The following IQSEC1 variants were observed in gnomAD, a reference collection of about 807,000 sequenced individuals.
IQSEC1 encodes IQ motif and SEC7 domain-containing protein 1.
In IQSEC1, 31 loss-of-function variants were observed where a neutral mutation model predicts 91.0. The observed-to-expected ratio is 0.34, with a 90% confidence interval of 0.26 to 0.46. The LOEUF (loss-of-function observed/expected upper bound fraction) is 0.46, where lower values mean the gene tolerates loss of function less well. Among genes scored for constraint, IQSEC1 ranks in the 20% least tolerant of loss-of-function variants. The pLI is 1.00. For synonymous variants in IQSEC1, 699 were observed against 662.6 expected (o/e 1.05, Z -0.84); for missense variants, 1,388 against 1,575.6 (o/e 0.88, Z 2.02).
At chr3:13,281,613 C>A (rs552997006) in intron 1 of IQSEC1, among the ~76,000 whole-genome samples, 1 of 152,290 alleles carries the variant, frequency 6.6e-6, no homozygotes, top group East Asian at 1.9e-4. Flanking sequence ...CGCTGCAGCC[C>A]CCCTGGGGTG....
Position 12,967,235 on chromosome 3 carries a change from C to G in IQSEC1, c.24-25370G>C. ...TCTCTCACCCAAACCCACAGTCTGGCGGACGCACCCCGCCCCGCAGGCAGC... is the reference window on the plus strand; with the variant it reads ...TCTCTCACCCAAACCCACAGTCTGGGGGACGCACCCCGCCCCGCAGGCAGC... On this transcript the variant is annotated intron_variant, in intron 1 of 13. Coordinates refer to ENST00000613206, the MANE Select transcript of IQSEC1 (RefSeq NM_001134382.3). The surrounding 1 kb of genome is among the most constrained non-coding windows in gnomAD (Gnocchi z 5.9). The G allele has an allele frequency of 4.8e-6, 3 of 629,670 alleles. No homozygotes were observed. Among genetic ancestry groups the G allele is most frequent in the Non-Finnish European group, 7.9e-6 (3 of 380,070 alleles). The allele number at this position is 629,670 out of a possible 1,614,324, so 39.0% of individuals were successfully genotyped here.
chr3:13,016,562 C>T (rs964453078), intron 1 of IQSEC1, among the ~76,000 whole-genome samples: 6 of 152,204 alleles, frequency 3.9e-5, no homozygotes, highest in Non-Finnish European at 8.8e-5. Flanking sequence ...CTCCTCCCGC[C>T]CTCTCGACTC....
At chr3:13,022,179 G>T in intron 1 of IQSEC1, 22 of 1,231,484 alleles carry the variant, frequency 1.8e-5, no homozygotes, top group South Asian at 4.1e-5. Context: ...CCTGGCCAGG[G>T]AACGGCTCTC....
chr3:13,237,370 C>A (rs1694949568), intron 1 of IQSEC1, among the ~76,000 whole-genome samples: 1 of 152,218 alleles, frequency 6.6e-6, no homozygotes, highest in Non-Finnish European at 1.5e-5. Context: ...CAAAACCAAG[C>A]AACACTGGCC....
chr3:13,268,972 G>A (rs947430534), intron 1 of IQSEC1, among the ~76,000 whole-genome samples: 3 of 152,198 alleles, frequency 2.0e-5, no homozygotes, highest in East Asian at 3.8e-4. Context: ...ATTCTAACAC[G>A]TGTCAGCACC....
chr3:13,106,374 A>C (rs1016051432), intron 2 of IQSEC1, among the ~76,000 whole-genome samples: 8 of 151,838 alleles, frequency 5.3e-5, no homozygotes, highest in Admixed American at 3.3e-4. Flanking sequence ...TCCCCTTCTT[A>C]TTTGGGGACT....
intron 1 of IQSEC1, among the ~76,000 whole-genome samples, chr3:13,263,977 G>A (rs1040707292): frequency 8.8e-4 from 134 of 152,214 alleles, no homozygotes; most frequent in African/African-American, 2.8e-3. Flanking sequence ...GCGCCTGTCC[G>A]CCTGGGCTTC....
chr3:13,235,526 G>A (rs545480657), intron 1 of IQSEC1, among the ~76,000 whole-genome samples: 16 of 152,178 alleles, frequency 1.1e-4, no homozygotes, highest in Admixed American at 1.0e-3. Context: ...GAGCACCTCA[G>A]CAGGAGGGGG....
intron 2 of IQSEC1, among the ~76,000 whole-genome samples, chr3:13,151,021 G>A (rs1360177206): frequency 3.9e-5 from 6 of 152,222 alleles, no homozygotes; most frequent in African/African-American, 1.2e-4. Context: ...GGATGGAGCT[G>A]CAGCCTCAGA....
intron 1 of IQSEC1, among the ~76,000 whole-genome samples, chr3:13,029,887 T>C (rs571099333): frequency 1.3e-5 from 2 of 152,354 alleles, no homozygotes; most frequent in African/African-American, 4.8e-5. Flanking sequence ...CCCAGACCTG[T>C]AGAGGTAAGT....
Position 12,971,131 on chromosome 3 carries a change from A to G in IQSEC1, c.24-29266T>C, listed in dbSNP as rs1462986353. Reference sequence around the variant, plus strand: ...ACACATGACCTGCAAAACATACAATATTAATGCGCACATGCAGCCCTTCTC... The same window carrying G: ...ACACATGACCTGCAAAACATACAATGTTAATGCGCACATGCAGCCCTTCTC... On this transcript the variant is annotated intron_variant, in intron 1 of 13. Transcript: ENST00000613206. Among the ~76,000 whole-genome samples, 4 of 152,230 alleles carry G rather than the reference A, an allele frequency of 2.6e-5. No homozygotes were observed. In the South Asian group the frequency reaches 8.3e-4, roughly 31 times the overall value.
At chr3:13,239,162 A>G (rs554758158) in intron 1 of IQSEC1, among the ~76,000 whole-genome samples, 1 of 152,358 alleles carries the variant, frequency 6.6e-6, no homozygotes, top group East Asian at 1.9e-4. Flanking sequence ...GCACTAAATT[A>G]AAACTGGAAG....
rs548408283 is a variant in IQSEC1, at chr3:13,020,309, C to CCT, written c.23+52681_23+52682dup. 3.0e-4 allele frequency among the ~76,000 whole-genome samples: 46 copies of CCT among 152,276 alleles called. 2 individuals carry two copies. In the South Asian group the frequency reaches 7.1e-3, roughly 23 times the overall value. The stretch of plus-strand genomic sequence containing the variant: ...TGACTCACTCCAGGGCTGAGCTCTG[C>CCT]CTCTCTCCTTTCCCACAGCCAGCCG... On this transcript the variant is annotated intron_variant, in intron 1 of 13. Transcript: ENST00000613206.
chr3:12,916,188 C>T (rs1426492939), intron 6 of IQSEC1, among the ~76,000 whole-genome samples: 2 of 152,276 alleles, frequency 1.3e-5, no homozygotes, highest in East Asian at 3.9e-4. Context: ...TGACTATGGG[C>T]GAGTGACTGC....
At chr3:13,272,020 T>G (rs942765452) in intron 1 of IQSEC1, among the ~76,000 whole-genome samples, 1 of 152,182 alleles carries the variant, frequency 6.6e-6, no homozygotes, top group African/African-American at 2.4e-5. Flanking sequence ...TTCTCCAGGA[T>G]AGACTGCATC....
chr3:12,963,002 C>G (rs1331671067), intron 1 of IQSEC1, among the ~76,000 whole-genome samples: 1 of 152,134 alleles, frequency 6.6e-6, no homozygotes, highest in Non-Finnish European at 1.5e-5. Flanking sequence ...TTATTTAATC[C>G]CAGAGGAAGC....
chr3:13,215,035 G>A (rs756204687), intron 1 of IQSEC1, among the ~76,000 whole-genome samples: 2 of 152,130 alleles, frequency 1.3e-5, no homozygotes, highest in Non-Finnish European at 2.9e-5. Flanking sequence ...CCTACTGAAT[G>A]CAAAGGCTGC....
intron 1 of IQSEC1, among the ~76,000 whole-genome samples, chr3:12,985,500 C>A (rs528165326): frequency 1.3e-5 from 2 of 152,052 alleles, no homozygotes; most frequent in Admixed American, 1.3e-4. Flanking sequence ...TCCCCCCCCC[C>A]CCGCCAACCG....
intron 1 of IQSEC1, among the ~76,000 whole-genome samples, chr3:13,231,010 C>G (rs971051537): frequency 5.3e-5 from 8 of 152,136 alleles, no homozygotes; most frequent in Non-Finnish European, 1.0e-4. Context: ...GGCACTGTCC[C>G]CTTAAACTTT....
Sources: allele counts gnomAD v4.1 joint callset (sites outside exome capture counted in the v4.1 genomes callset), GRCh38; gene constraint gnomAD v4.1.1; non-coding constraint Gnocchi (gnomAD v3.1); transcripts MANE v1.5; gene names NCBI Gene and HGNC (gene_info 2026-07-23, HGNC 2026-07-21).